COL8A1: variants seen among roughly 807,000 people sequenced by gnomAD.
The protein encoded by COL8A1 is collagen type VIII alpha 1 chain, also known as collagen alpha-1(VIII) chain.
A neutral mutation model predicts 42.7 loss-of-function variants in COL8A1; 21 were observed. The ratio of observed to expected loss-of-function variants is 0.49; its 90% CI spans 0.35 to 0.71. The LOEUF (loss-of-function observed/expected upper bound fraction) is 0.71. COL8A1 is among the 30% of genes least tolerant of loss of function. The pLI is 0.01. For missense variants in COL8A1, 788 were observed against 962.4 expected, an observed-to-expected ratio of 0.82 and a Z score of 2.40; for synonymous variants, 367 against 369.1, an observed-to-expected ratio of 0.99 and a Z score of 0.06.
At chr3:99,786,996 A>G (rs993852359) in intron 2 of COL8A1, among the ~76,000 whole-genome samples, 19 of 152,176 alleles carry the variant, frequency 1.2e-4, no homozygotes, top group African/African-American at 4.1e-4. Context: ...GGAACTGATT[A>G]GAGAGGCTTA....
rs563659468 is a variant in COL8A1, at chr3:99,727,831, T to A, written c.-128-17066T>A. On this transcript the variant is annotated intron_variant, in intron 1 of 3. Transcript: ENST00000652472. ...CTTCATCCCTGGGATGCAAGGCTGG[T>A]TCAACATACACAAATCAATAAATGT... 8.5e-5 allele frequency among the ~76,000 whole-genome samples: 13 copies of A among 152,078 alleles called. No homozygotes were observed. In the East Asian group the frequency reaches 2.5e-3, roughly 29 times the overall value.
At chr3:99,792,791 G>A (rs972670919) in intron 3 of COL8A1, among the ~76,000 whole-genome samples, 9 of 152,160 alleles carry the variant, frequency 5.9e-5, no homozygotes, top group Admixed American at 3.9e-4. Context: ...ATTTGTATAT[G>A]AGAAATTATT....
chr3:99,680,521 T>C (rs1938840083), intron 1 of COL8A1: 1 of 152,228 alleles, frequency 6.6e-6, no homozygotes, highest in African/African-American at 2.4e-5. Context: ...AGTAATGGGA[T>C]GGCTGGGTCA....
intron 1 of COL8A1, among the ~76,000 whole-genome samples, chr3:99,724,851 T>C (rs2107374208): frequency 6.6e-6 from 1 of 152,184 alleles, no homozygotes; most frequent in East Asian, 1.9e-4. Context: ...AGCCACTCAC[T>C]GTGTATTGGG....
At chr3:99,674,677 A>G (rs1379901241) in intron 1 of COL8A1, among the ~76,000 whole-genome samples, 1 of 152,128 alleles carries the variant, frequency 6.6e-6, no homozygotes, top group East Asian at 1.9e-4. Flanking sequence ...AATTGAGCTC[A>G]CAATGGCCAG....
At chr3:99,789,808 A>G (rs917642742) in intron 2 of COL8A1, among the ~76,000 whole-genome samples, 48 of 152,224 alleles carry the variant, frequency 3.2e-4, no homozygotes. Flanking sequence ...AAAAGGACAA[A>G]GATAGACTTT....
intron 1 of COL8A1, among the ~76,000 whole-genome samples, chr3:99,677,011 A>G (rs1244130498): frequency 1.3e-5 from 2 of 151,876 alleles, no homozygotes; most frequent in African/African-American, 4.8e-5. Context: ...TAAGCCCAAG[A>G]GTTTGAGACA....
chr3:99,726,708 G>T (rs1940339901), intron 1 of COL8A1, among the ~76,000 whole-genome samples: 1 of 151,896 alleles, frequency 6.6e-6, no homozygotes, highest in African/African-American at 2.4e-5. Context: ...GTTTGTCAAA[G>T]ATCAGATAGT....
At chr3:99,733,454 C>T (rs1409729990) in intron 1 of COL8A1, among the ~76,000 whole-genome samples, 5 of 146,438 alleles carry the variant, frequency 3.4e-5, no homozygotes, top group Non-Finnish European at 7.5e-5. Context: ...CAATTTCATC[C>T]ATGTCCCTAC....
intron 2 of COL8A1, among the ~76,000 whole-genome samples, chr3:99,786,103 G>A (rs538624656): frequency 5.9e-5 from 9 of 151,874 alleles, no homozygotes; most frequent in South Asian, 4.2e-4. Flanking sequence ...TTCCCCATAC[G>A]TTGTCTTAAG....
intron 1 of COL8A1, among the ~76,000 whole-genome samples, chr3:99,674,466 G>T (rs567996448): frequency 1.6e-4 from 24 of 151,496 alleles, no homozygotes; most frequent in African/African-American, 5.3e-4. Context: ...AGCCTTGAAG[G>T]TGTGGCTGAC....
At chr3:99,657,886 T>C (rs1250377935) in intron 1 of COL8A1, among the ~76,000 whole-genome samples, 4 of 152,120 alleles carry the variant, frequency 2.6e-5, no homozygotes, top group African/African-American at 9.7e-5. Context: ...TCCCAGCACT[T>C]TGGGAGGCCA....
chr3:99,761,410 G>C (rs1941362195), intron 2 of COL8A1, among the ~76,000 whole-genome samples: 2 of 152,128 alleles, frequency 1.3e-5, no homozygotes, highest in South Asian at 4.2e-4. Context: ...TGAAGAGACT[G>C]AGATTGACTC....
chr3:99,653,111 T>C (rs1937901547), intron 1 of COL8A1, among the ~76,000 whole-genome samples: 3 of 152,330 alleles, frequency 2.0e-5, no homozygotes, highest in Admixed American at 2.0e-4. Flanking sequence ...TAAGAAAGTG[T>C]CTGCTAGTCA....
rs920297148 is a variant in COL8A1, at chr3:99,798,318, A to C, written c.*2182A>C. ...CACAACCTTTGTTTTCAAAGCAGACAGCATCTATGTGGCCAAATATACTTT... is the reference window on the plus strand; with the variant it reads ...CACAACCTTTGTTTTCAAAGCAGACCGCATCTATGTGGCCAAATATACTTT... On this transcript the variant is annotated 3_prime_UTR_variant, in exon 4 of 4. Transcript: ENST00000652472. 1.3e-5 allele frequency: 2 copies of C among 152,226 alleles called. No homozygotes were observed. The highest frequency in any genetic ancestry group is 2.9e-5 in the Non-Finnish European group (2 of 68,044). The allele number at this position is 152,226 out of a possible 1,614,324, so 9.4% of individuals were successfully genotyped here.
intron 1 of COL8A1, among the ~76,000 whole-genome samples, chr3:99,716,252 A>G (rs976017496): frequency 3.3e-5 from 5 of 152,030 alleles, no homozygotes; most frequent in African/African-American, 1.2e-4. Context: ...AACATAACGC[A>G]AAAGATTCTC....
At chr3:99,736,537 G>A (rs578253457) in intron 1 of COL8A1, among the ~76,000 whole-genome samples, 23 of 152,104 alleles carry the variant, frequency 1.5e-4, no homozygotes, top group South Asian at 4.1e-4. Flanking sequence ...GTAGTTGAGC[G>A]GTTTTGAGTG....
chr3:99,666,634 G>A lies in COL8A1; in HGVS notation c.-129+27970G>A, dbSNP rs369055954. Among the ~76,000 whole-genome samples the A allele has an allele frequency of 1.4e-3, 207 of 152,226 alleles. 2 individuals are homozygous for A. The highest frequency in any genetic ancestry group is 4.8e-3 in the African/African-American group (199 of 41,534). On this transcript the variant is annotated intron_variant, in intron 1 of 3. Coordinates refer to ENST00000652472, the MANE Select transcript of COL8A1 (RefSeq NM_020351.4). ...GTGGAAAGTTAAGGTGGGGGAGAGTGGATTAATCTAATTTTGTTTGTTTCC... is the reference window on the plus strand; with the variant it reads ...GTGGAAAGTTAAGGTGGGGGAGAGTAGATTAATCTAATTTTGTTTGTTTCC...
intron 1 of COL8A1, among the ~76,000 whole-genome samples, chr3:99,709,654 C>T (rs1939781381): frequency 6.6e-6 from 1 of 152,020 alleles, no homozygotes; most frequent in African/African-American, 2.4e-5. Flanking sequence ...AAACTAGTAC[C>T]CACAGAATGT....
Sources: allele counts gnomAD v4.1 joint callset (sites outside exome capture counted in the v4.1 genomes callset), GRCh38; gene constraint gnomAD v4.1.1; transcripts MANE v1.5; gene names NCBI Gene and HGNC (gene_info 2026-07-23, HGNC 2026-07-21).